The following ASCC1 variants were observed in gnomAD, a reference collection of about 807,000 sequenced individuals.
The protein encoded by ASCC1 is activating signal cointegrator 1 complex subunit 1.
A neutral mutation model predicts 46.6 loss-of-function variants in ASCC1; 35 were observed. The ratio of observed to expected loss-of-function variants is 0.75; its 90% CI spans 0.57 to 0.99. The LOEUF (loss-of-function observed/expected upper bound fraction) is 0.99. ASCC1 is among the 50% of genes least tolerant of loss of function. The pLI, the probability that ASCC1 is intolerant of heterozygous loss-of-function variation, is 0.00. For missense variants in ASCC1, 376 were observed against 428.7 expected (o/e 0.88, Z 1.09); for synonymous variants, 143 against 146.6 (o/e 0.98, Z 0.18).
rs749041935 is a variant in ASCC1 at position 72,213,323 on chromosome 10, A to T, written c.-25T>A. 4.5e-5 allele frequency: 67 copies of T among 1,500,360 alleles called. No homozygotes were observed. The highest frequency in any genetic ancestry group is 5.8e-5 in the Non-Finnish European group (62 of 1,077,616). 92.9% of individuals were successfully genotyped at this position (1,500,360 alleles called of 1,614,324 possible). A position where few individuals can be genotyped will look rare whatever the true frequency, so the allele number is the denominator to read the frequency against. ...TGACACTTTCTCCAAATGATATTCC[A>T]ATTATGCCCTGAAAAATATAATTAC... On this transcript the variant is annotated 5_prime_UTR_variant, in exon 2 of 10. Coordinates refer to ENST00000672957, the MANE Select transcript of ASCC1 (RefSeq NM_001198800.3).
chr10:72,187,561 A>C (rs1357515953), intron 5 of ASCC1, among the ~76,000 whole-genome samples: 4 of 148,236 alleles, frequency 2.7e-5, no homozygotes, highest in Non-Finnish European at 6.0e-5. Context: ...TCTACTAAAA[A>C]TACAAAAAAT....
intron 1 of ASCC1, among the ~76,000 whole-genome samples, chr10:72,214,668 C>T (rs905767777): frequency 1.3e-5 from 2 of 152,032 alleles, no homozygotes; most frequent in Non-Finnish European, 2.9e-5. Flanking sequence ...TGAGCCACTG[C>T]GCCCAGCAAA....
chr10:72,152,407 T>C (rs1848472061), intron 7 of ASCC1, among the ~76,000 whole-genome samples: 1 of 152,106 alleles, frequency 6.6e-6, no homozygotes, highest in Non-Finnish European at 1.5e-5. Flanking sequence ...ACAACTGCAT[T>C]ACATCACGTT....
Position 72,137,387 on chromosome 10 carries a change from G to C in ASCC1, c.747-4206C>G, listed in dbSNP as rs189214740. Among the ~76,000 whole-genome samples the C allele has an allele frequency of 1.2e-4, 18 of 152,122 alleles. No homozygotes were observed. In the East Asian group the frequency reaches 3.3e-3, roughly 28 times the overall value. On this transcript the variant is annotated intron_variant, in intron 7 of 9. Coordinates refer to ENST00000672957, the MANE Select transcript of ASCC1 (RefSeq NM_001198800.3). ...ACTAAAGATACAAAAAATTAGATGG[G>C]TGTGGTGGTGCATGCCTATAATCCC... is the stretch of plus-strand genomic sequence containing the variant.
At chr10:72,117,405 C>CT (rs1238083859) in intron 9 of ASCC1, among the ~76,000 whole-genome samples, 1 of 152,214 alleles carries the variant, frequency 6.6e-6, no homozygotes. Context: ...TTCAGAGCCT[C>CT]TTTCATCCAA....
intron 7 of ASCC1, among the ~76,000 whole-genome samples, chr10:72,134,995 ACT>A (rs1284882018): frequency 6.6e-6 from 1 of 152,162 alleles, no homozygotes; most frequent in African/African-American, 2.4e-5. Context: ...AGTGCACATA[ACT>A]CTGTCAAGAA....
chr10:72,160,781 TAAAAAAAAA>T (rs568875489), intron 6 of ASCC1, among the ~76,000 whole-genome samples: 1 of 132,262 alleles, frequency 7.6e-6, no homozygotes, highest in East Asian at 2.2e-4. Context: ...TTATTTGTAT[TAAAAAAAAA>T]AAAAAAAAAG....
intron 5 of ASCC1, among the ~76,000 whole-genome samples, chr10:72,167,552 T>A (rs1390057123): frequency 6.6e-6 from 1 of 151,966 alleles, no homozygotes; most frequent in Admixed American, 6.6e-5. Flanking sequence ...TTATTTAAAA[T>A]CACTAAATTG....
chr10:72,188,111 A>T (rs1316336617), intron 5 of ASCC1, among the ~76,000 whole-genome samples: 1 of 150,732 alleles, frequency 6.6e-6, no homozygotes, highest in Non-Finnish European at 1.5e-5. Flanking sequence ...CTTGGTTTCT[A>T]ATACTTCTTC....
chr10:72,136,952 C>T (rs1037109096), intron 7 of ASCC1, among the ~76,000 whole-genome samples: 6 of 151,878 alleles, frequency 4.0e-5, no homozygotes, highest in South Asian at 2.1e-4. Flanking sequence ...GAACAAACTC[C>T]GGACACACCA....
intron 6 of ASCC1, among the ~76,000 whole-genome samples, chr10:72,156,734 T>G (rs373826140): frequency 3.5e-5 from 5 of 143,270 alleles, no homozygotes; most frequent in African/African-American, 1.3e-4. Context: ...ATCTCGCCAC[T>G]GCACTCCAGC....
intron 5 of ASCC1, among the ~76,000 whole-genome samples, chr10:72,175,205 C>T (rs1235042052): frequency 6.6e-6 from 1 of 152,182 alleles, no homozygotes; most frequent in Non-Finnish European, 1.5e-5. Flanking sequence ...TACTCAGTTG[C>T]TATGAAGCTT....
At chr10:72,104,213 C>T (rs1321335398) in intron 9 of ASCC1, among the ~76,000 whole-genome samples, 1 of 152,102 alleles carries the variant, frequency 6.6e-6, no homozygotes, top group Non-Finnish European at 1.5e-5. Flanking sequence ...AAACACAGCC[C>T]CATTAAATAG....
intron 1 of ASCC1, among the ~76,000 whole-genome samples, chr10:72,214,367 C>CTTTTTTT (rs970289326): frequency 2.1e-4 from 19 of 88,466 alleles, no homozygotes; most frequent in Non-Finnish European, 3.0e-4. Context: ...CACAATATCT[C>CTTTTTTT]TTTTTTTTTT....
chr10:72,145,457 TCCCA>T (rs2132466724), intron 7 of ASCC1, among the ~76,000 whole-genome samples: 1 of 152,304 alleles, frequency 6.6e-6, no homozygotes, highest in South Asian at 2.1e-4. Context: ...GAAAGAACCT[TCCCA>T]CCACTCTTAG....
At chr10:72,190,433 C>T in intron 5 of ASCC1, 2 of 1,597,884 alleles carry the variant, frequency 1.3e-6, no homozygotes, top group South Asian at 2.2e-5. Flanking sequence ...AGTCCACAAC[C>T]ACAGGGAGAT....
intron 2 of ASCC1, 96 bp from the exon 3 acceptor site, chr10:72,210,927 A>G: frequency 9.3e-7 from 1 of 1,072,812 alleles, no homozygotes. Flanking sequence ...GTTTAAAAAA[A>G]GCAATACACA....
chr10:72,135,641 G>A (rs917542423), intron 7 of ASCC1, among the ~76,000 whole-genome samples: 5 of 152,150 alleles, frequency 3.3e-5, no homozygotes, highest in African/African-American at 1.2e-4. Flanking sequence ...AGCTTTTGGA[G>A]GGTGTTAGGC....
intron 3 of ASCC1, 107 bp from the exon 4 acceptor site, chr10:72,203,631 T>A: frequency 1.2e-6 from 1 of 844,598 alleles, no homozygotes; most frequent in Non-Finnish European, 2.0e-6. Flanking sequence ...TACAGAAAAG[T>A]AGTTCAGTAA....
Sources: gnomAD v4.1 joint callset for allele counts (sites outside exome capture counted in the v4.1 genomes callset) on GRCh38, gnomAD v4.1.1 for gene constraint, MANE v1.5 for transcripts, NCBI Gene and HGNC (gene_info 2026-07-23, HGNC 2026-07-21) for gene names.